CELF2: variants seen among roughly 807,000 people sequenced by gnomAD.
CELF2 encodes CUGBP Elav-like family member 2.
Under a neutral mutation model 62.6 loss-of-function variants are expected in CELF2, and 8 were observed. The ratio of observed to expected loss-of-function variants is 0.13; its 90% CI spans 0.07 to 0.23. CELF2 has a LOEUF of 0.23. Ranked by LOEUF, CELF2 falls within the 10% of genes least tolerant of loss-of-function variation. The probability of loss-of-function intolerance (pLI) is 1.00; values close to 1 mark genes in which losing one functional copy is unlikely to be tolerated. For synonymous variants in CELF2, 258 were observed against 250.0 expected (o/e 1.03, Z -0.30); for missense variants, 333 against 671.0 (o/e 0.50, Z 5.56).
intron 1 of CELF2, among the ~76,000 whole-genome samples, chr10:11,133,714 C>A (rs1392301301): frequency 1.3e-5 from 2 of 152,218 alleles, no homozygotes; most frequent in Admixed American, 6.5e-5. Flanking sequence ...TGAGTAAATT[C>A]CTGTGGCGGC....
chr10:10,703,862 A>C, the CELF2 span, among the ~76,000 whole-genome samples: 1 of 152,264 alleles, frequency 6.6e-6, no homozygotes, highest in African/African-American at 2.4e-5. Flanking sequence ...CGAAGGTACG[A>C]TCACAGAACC....
At chr10:10,779,535 C>T in the CELF2 span, among the ~76,000 whole-genome samples, 1 of 152,088 alleles carries the variant, frequency 6.6e-6, no homozygotes, top group Admixed American at 6.5e-5. Flanking sequence ...CCGTCTCCCT[C>T]ACCTCATGTG....
At chr10:10,660,024 C>A in the CELF2 span, among the ~76,000 whole-genome samples, 1 of 152,162 alleles carries the variant, frequency 6.6e-6, no homozygotes, top group African/African-American at 2.4e-5. Context: ...GCTGAATATG[C>A]TGCTGGCTTT....
intron 1 of CELF2, among the ~76,000 whole-genome samples, chr10:10,910,690 ACT>A (rs2063728094): frequency 9.4e-6 from 1 of 106,058 alleles, no homozygotes; most frequent in African/African-American, 3.9e-5. Flanking sequence ...ACAGAGTGAG[ACT>A]CTGCCTCAAA....
At chr10:10,767,292 T>C in the CELF2 span, among the ~76,000 whole-genome samples, 1 of 151,680 alleles carries the variant, frequency 6.6e-6, no homozygotes, top group Admixed American at 6.6e-5. Flanking sequence ...ACTTCCAAAG[T>C]CGATGACAGG....
chr10:11,106,208 T>TTTA (rs2053437205), intron 1 of CELF2, among the ~76,000 whole-genome samples: 1 of 2,670 alleles, frequency 3.7e-4, no homozygotes, highest in Non-Finnish European at 2.2e-3. Context: ...TTTACTTTAT[T>TTTA]TTATTTATTT....
Position 11,227,924 on chromosome 10 carries a change from C to G in CELF2, c.354+10417C>G, listed in dbSNP as rs553683155. ...TGACATTCCACACTTTGTGTACTCA[C>G]CAGCACATACACGGTATTATTGTTT... On this transcript the variant is annotated intron_variant, in intron 3 of 12. Transcript: ENST00000633077. This position sits in a 1 kb window ranked among gnomAD's most constrained non-coding sequence, Gnocchi z 4.8. Among the ~76,000 whole-genome samples, 1 of 152,202 alleles carries G rather than the reference C, an allele frequency of 6.6e-6. No homozygotes were observed. The highest frequency in any genetic ancestry group is 1.5e-5 in the Non-Finnish European group (1 of 68,040).
intron 1 of CELF2, among the ~76,000 whole-genome samples, chr10:11,034,163 G>A (rs1041100715): frequency 2.6e-5 from 4 of 152,132 alleles, no homozygotes; most frequent in Admixed American, 6.5e-5. Context: ...GACTTTGCCT[G>A]TATTTTCTTG....
At chr10:10,980,673 G>A (rs537181177) in intron 2 of CELF2, among the ~76,000 whole-genome samples, 10 of 152,294 alleles carry the variant, frequency 6.6e-5, no homozygotes, top group Middle Eastern at 3.4e-3. Flanking sequence ...ACGGTCTCTC[G>A]CACCCGCACA....
At chr10:10,915,131 T>A (rs796337190) in intron 1 of CELF2, among the ~76,000 whole-genome samples, 154 of 135,914 alleles carry the variant, frequency 1.1e-3, no homozygotes, top group African/African-American at 4.1e-3. Flanking sequence ...AACTTTATTT[T>A]AAAAAAAAAA....
chr10:10,656,524 T>C, the CELF2 span, among the ~76,000 whole-genome samples: 1 of 117,714 alleles, frequency 8.5e-6, no homozygotes, highest in African/African-American at 3.1e-5. Context: ...ATATACACCA[T>C]GGAATACTAT....
intron 2 of CELF2, among the ~76,000 whole-genome samples, chr10:10,939,620 A>G (rs1448214494): frequency 2.0e-5 from 3 of 151,750 alleles, no homozygotes; most frequent in Non-Finnish European, 2.9e-5. Context: ...TGTTTATTCA[A>G]TGAAGGGAGG....
intron 2 of CELF2, among the ~76,000 whole-genome samples, chr10:11,181,320 A>G (rs917465844): frequency 1.3e-5 from 2 of 152,112 alleles, no homozygotes; most frequent in African/African-American, 4.8e-5. Context: ...TACCTCTCTC[A>G]TTTCGGAATG....
chr10:10,509,224 C>A, the CELF2 span, among the ~76,000 whole-genome samples: 8 of 152,264 alleles, frequency 5.3e-5, 1 homozygote, highest in South Asian at 1.7e-3. Context: ...CTGGATATTA[C>A]TCTGTTGTCC....
At chr10:11,204,819 C>G (rs1382765410) in intron 2 of CELF2, among the ~76,000 whole-genome samples, 1 of 152,228 alleles carries the variant, frequency 6.6e-6, no homozygotes, top group Non-Finnish European at 1.5e-5. Context: ...TAGGACATCA[C>G]GTCTTCTTGT....
chr10:10,979,672 C>CAA (rs35482385), intron 2 of CELF2, among the ~76,000 whole-genome samples: 1,611 of 68,432 alleles, frequency 0.024, 31 homozygotes, highest in Non-Finnish European at 0.029. Context: ...CCTTGTCTCT[C>CAA]AAAAAAAAAA....
At chr10:10,866,720 G>C (rs1196881516) in intron 1 of CELF2, among the ~76,000 whole-genome samples, 2 of 151,506 alleles carry the variant, frequency 1.3e-5, no homozygotes, top group African/African-American at 4.8e-5. Context: ...ACTTTGGGAG[G>C]CCAAAGTGGG....
chr10:10,825,806 CT>C (rs1311149099), intron 1 of CELF2, among the ~76,000 whole-genome samples: 1 of 152,192 alleles, frequency 6.6e-6, no homozygotes, highest in Non-Finnish European at 1.5e-5. Context: ...GTTTCCTTAT[CT>C]GCAAAATGAT....
At chr10:10,902,981 GAAGAAAGGAGAGGAAAGACAGGAAGA>G (rs921685427) in intron 1 of CELF2, among the ~76,000 whole-genome samples, 31 of 151,686 alleles carry the variant, frequency 2.0e-4, no homozygotes, top group Non-Finnish European at 2.5e-4. Context: ...AAGAAGGGAG[GAAGAAAGGAGAGGAAAGACAGGAAGA>G]AAGAAAGGAG....
Sources: allele counts gnomAD v4.1 joint callset (sites outside exome capture counted in the v4.1 genomes callset), GRCh38; gene constraint gnomAD v4.1.1; non-coding constraint Gnocchi (gnomAD v3.1); transcripts MANE v1.5; gene names NCBI Gene and HGNC (gene_info 2026-07-23, HGNC 2026-07-21).